Variants in GDPD1 observed in about 807,000 individuals in gnomAD.
GDPD1 encodes lysophospholipase D GDPD1.
In GDPD1, 28 loss-of-function variants were observed where a neutral mutation model predicts 45.1. The observed-to-expected ratio is 0.62, with a 90% CI of 0.46 to 0.85. The LOEUF is 0.85. Ranked by LOEUF, GDPD1 falls within the 40% of genes least tolerant of loss-of-function variation. The pLI, the probability that GDPD1 is intolerant of heterozygous loss-of-function variation, is 0.00. For synonymous variants in GDPD1, 139 were observed against 131.4 expected, an observed-to-expected ratio of 1.06 and a Z score of -0.40; for missense variants, 256 against 364.8, an observed-to-expected ratio of 0.70 and a Z score of 2.43.
chr17:59,255,280 A>G (rs1283120928), intron 4 of GDPD1, among the ~76,000 whole-genome samples: 1 of 152,106 alleles, frequency 6.6e-6, no homozygotes, highest in Non-Finnish European at 1.5e-5. Flanking sequence ...AGTAAATTAT[A>G]TAAATGATTA....
intron 6 of GDPD1, among the ~76,000 whole-genome samples, chr17:59,263,689 A>G (rs1465722085): frequency 6.6e-6 from 1 of 151,790 alleles, no homozygotes; most frequent in East Asian, 1.9e-4. Flanking sequence ...TATGTTGGTC[A>G]GGCCGGTCTT....
At chr17:59,230,438 A>G (rs1317448519) in intron 1 of GDPD1, among the ~76,000 whole-genome samples, 2 of 132,418 alleles carry the variant, frequency 1.5e-5, no homozygotes, top group East Asian at 4.7e-4. Context: ...GCTGGAGTGC[A>G]ATGGCGCGAT....
At chr17:59,257,285 A>C in intron 5 of GDPD1, 45 bp downstream of exon 5, 1 of 965,858 alleles carries the variant, frequency 1.0e-6, no homozygotes, top group Non-Finnish European at 1.6e-6. Context: ...ATCCTATTTC[A>C]CAAACTAAAT....
In GDPD1 at chr17:59,274,988, C is replaced by G; in HGVS notation, c.*1215C>G. 3.7e-6 allele frequency: 2 copies of G among 543,872 alleles called. No individual in the cohort carries two copies. The highest frequency in any genetic ancestry group is 6.7e-6 in the Non-Finnish European group (2 of 299,660). 33.7% of individuals were successfully genotyped at this position (543,872 alleles called of 1,614,324 possible). On this transcript the variant is annotated 3_prime_UTR_variant, in exon 10 of 10. Coordinates refer to ENST00000284116, the MANE Select transcript of GDPD1 (RefSeq NM_182569.4). ...TCCCGAGTACCTGGGATTACAGGTG[C>G]CTGCTACCATGCCCAGCTAATTTTT...
intron 4 of GDPD1, among the ~76,000 whole-genome samples, chr17:59,256,658 C>T (rs369016487): frequency 7.2e-4 from 110 of 152,148 alleles, no homozygotes; most frequent in African/African-American, 2.5e-3. Context: ...AGAATCAGAT[C>T]GGTGGATTGT....
intron 1 of GDPD1, among the ~76,000 whole-genome samples, chr17:59,226,350 A>C (rs2147873039): frequency 6.6e-6 from 1 of 152,292 alleles, no homozygotes; most frequent in East Asian, 1.9e-4. Flanking sequence ...AGACTTAAAA[A>C]AAAAAACCTA....
chr17:59,240,007 C>T (rs2047163090), intron 2 of GDPD1, among the ~76,000 whole-genome samples: 1 of 151,818 alleles, frequency 6.6e-6, no homozygotes, highest in Non-Finnish European at 1.5e-5. Flanking sequence ...TAATTTTACA[C>T]TTTGGCTGGG....
chr17:59,220,828 G>A (rs1826119423), intron 1 of GDPD1, 77 bp downstream of exon 1: 5 of 1,508,648 alleles, frequency 3.3e-6, no homozygotes, highest in Non-Finnish European at 4.5e-6. Flanking sequence ...AAAGGCAGCC[G>A]GGTGCCAATC....
chr17:59,255,440 A>G (rs2047288750), intron 4 of GDPD1, among the ~76,000 whole-genome samples: 1 of 151,278 alleles, frequency 6.6e-6, no homozygotes, highest in South Asian at 2.1e-4. Context: ...CTGTCTCTAC[A>G]AAAAATAAAA....
At chr17:59,262,321 C>G (rs1953338458) in intron 6 of GDPD1, among the ~76,000 whole-genome samples, 1 of 152,080 alleles carries the variant, frequency 6.6e-6, no homozygotes, top group African/African-American at 2.4e-5. Flanking sequence ...TTCATCAAAG[C>G]AAAATCCTGA....
chr17:59,255,431 T>C (rs2047288633), intron 4 of GDPD1, among the ~76,000 whole-genome samples: 1 of 150,216 alleles, frequency 6.7e-6, no homozygotes, highest in Non-Finnish European at 1.5e-5. Context: ...AGTGAGACCC[T>C]GTCTCTACAA....
intron 1 of GDPD1, among the ~76,000 whole-genome samples, chr17:59,231,389 C>T (rs1230618470): frequency 3.5e-5 from 5 of 142,746 alleles, no homozygotes; most frequent in Non-Finnish European, 7.5e-5. Context: ...TGCAGTGGCA[C>T]GATCTCAGCT....
chr17:59,222,535 A>G (rs551972056), intron 1 of GDPD1, among the ~76,000 whole-genome samples: 2 of 47,926 alleles, frequency 4.2e-5, no homozygotes, highest in African/African-American at 7.5e-5. Context: ...TTTTTTTGAG[A>G]CAGAGTTTCC....
At chr17:59,237,365 TA>T (rs1333287158) in intron 2 of GDPD1, among the ~76,000 whole-genome samples, 1 of 152,168 alleles carries the variant, frequency 6.6e-6, no homozygotes, top group East Asian at 1.9e-4. Flanking sequence ...GGCACCACTG[TA>T]CTCCAGCCTG....
chr17:59,263,170 T>A (rs2047371085), intron 6 of GDPD1, among the ~76,000 whole-genome samples: 1 of 152,132 alleles, frequency 6.6e-6, no homozygotes, highest in Non-Finnish European at 1.5e-5. Context: ...TATACTATAC[T>A]ACAGGTATGT....
intron 7 of GDPD1, among the ~76,000 whole-genome samples, chr17:59,270,343 G>T (rs1364849828): frequency 6.6e-6 from 1 of 150,952 alleles, no homozygotes; most frequent in African/African-American, 2.5e-5. Context: ...ACAGGTGTGC[G>T]CCACCATGCC....
rs1161665483 is a variant in GDPD1 at position 59,273,794 on chromosome 17, A to G, written c.*21A>G. On this transcript the variant is annotated 3_prime_UTR_variant, in exon 10 of 10. Coordinates refer to ENST00000284116, the MANE Select transcript of GDPD1 (RefSeq NM_182569.4). Reference sequence around the variant, plus strand: ...CATAGAAAAAGAGGTACTTAGAAGTATTGAAGGAAAAAATGAAGACCTAAG... The same window carrying G: ...CATAGAAAAAGAGGTACTTAGAAGTGTTGAAGGAAAAAATGAAGACCTAAG... 1 of 1,536,248 alleles carries G rather than the reference A, an allele frequency of 6.5e-7. No homozygotes were observed. Among genetic ancestry groups the G allele is most frequent in the South Asian group, 1.3e-5 (1 of 77,900 alleles).
chr17:59,265,862 C>T (rs1281292149), intron 6 of GDPD1, among the ~76,000 whole-genome samples: 1 of 147,676 alleles, frequency 6.8e-6, no homozygotes, highest in Non-Finnish European at 1.5e-5. Context: ...TTTGGTTGTG[C>T]CACTGCACTC....
intron 4 of GDPD1, among the ~76,000 whole-genome samples, chr17:59,256,650 A>T (rs966341357): frequency 1.3e-5 from 2 of 152,158 alleles, no homozygotes; most frequent in African/African-American, 2.4e-5. Flanking sequence ...ATTATGATAG[A>T]ATCAGATCGG....
Sources: allele counts gnomAD v4.1 joint callset (sites outside exome capture counted in the v4.1 genomes callset), GRCh38; gene constraint gnomAD v4.1.1; transcripts MANE v1.5; gene names NCBI Gene and HGNC (gene_info 2026-07-23, HGNC 2026-07-21).